PAPPA2: variants seen among roughly 807,000 people sequenced by gnomAD.
PAPPA2 encodes pappalysin 2, also known as pappalysin-2.
PAPPA2 carries 86 observed loss-of-function variants against 176.4 expected under a neutral mutation model. The observed-to-expected ratio is 0.49, with a 90% CI of 0.41 to 0.58. The LOEUF (loss-of-function observed/expected upper bound fraction) is 0.58. Ranked by LOEUF, PAPPA2 falls within the 20% of genes least tolerant of loss-of-function variation. PAPPA2 has a pLI of 0.00. For missense variants in PAPPA2, 2,073 were observed against 2,256.9 expected (o/e 0.92, Z 1.65); for synonymous variants, 809 against 852.2 (o/e 0.95, Z 0.88).
chr1:176,708,875 A>G (rs924962802), intron 10 of PAPPA2, among the ~76,000 whole-genome samples: 3 of 152,182 alleles, frequency 2.0e-5, no homozygotes, highest in Non-Finnish European at 2.9e-5. Context: ...CTCTTATTGA[A>G]TATATACCTA....
intron 12 of PAPPA2, among the ~76,000 whole-genome samples, chr1:176,737,914 A>G (rs1176004869): frequency 6.6e-6 from 1 of 152,074 alleles, no homozygotes; most frequent in African/African-American, 2.4e-5. Context: ...TCCTTGTTGA[A>G]GCCACCCTAC....
At chr1:176,589,130 CT>C (rs936023967) in intron 2 of PAPPA2, among the ~76,000 whole-genome samples, 14 of 150,242 alleles carry the variant, frequency 9.3e-5, no homozygotes, top group South Asian at 2.1e-4. Flanking sequence ...ACATTCAAAA[CT>C]TTTTTTTTTC....
chr1:176,690,973 A>C (rs1340419655), intron 5 of PAPPA2: 1 of 984,640 alleles, frequency 1.0e-6, no homozygotes, highest in Admixed American at 6.2e-5. Flanking sequence ...ACAAATTCTT[A>C]GCTGCCTACC....
intron 3 of PAPPA2, among the ~76,000 whole-genome samples, chr1:176,618,534 T>C (rs889372975): frequency 6.6e-6 from 1 of 152,248 alleles, no homozygotes; most frequent in Non-Finnish European, 1.5e-5. Flanking sequence ...TATTTCTCTG[T>C]AGTGTTGTGA....
At chr1:176,498,472 G>A (rs183421281) in intron 1 of PAPPA2, among the ~76,000 whole-genome samples, 73 of 152,202 alleles carry the variant, frequency 4.8e-4, no homozygotes, top group African/African-American at 1.7e-3. Flanking sequence ...GAAGCTGGCC[G>A]GGCACGGTGG....
At chr1:176,766,979 A>G (rs1299903208) in intron 15 of PAPPA2, among the ~76,000 whole-genome samples, 1 of 151,464 alleles carries the variant, frequency 6.6e-6, no homozygotes, top group African/African-American at 2.4e-5. Flanking sequence ...TTGCTTAGAG[A>G]TGTCAGTATT....
At chr1:176,527,418 G>A (rs995979180) in intron 1 of PAPPA2, among the ~76,000 whole-genome samples, 1 of 152,146 alleles carries the variant, frequency 6.6e-6, no homozygotes, top group Non-Finnish European at 1.5e-5. Flanking sequence ...TTTTTGAGAT[G>A]TTTCTTCCTA....
At chr1:176,769,075 TTACC>T (rs2102910515) in intron 15 of PAPPA2, among the ~76,000 whole-genome samples, 1 of 152,266 alleles carries the variant, frequency 6.6e-6, no homozygotes, top group East Asian at 1.9e-4. Flanking sequence ...CCTGAAAGGT[TTACC>T]TTAGGAGTGC....
chr1:176,743,147 T>C (rs531298183), intron 14 of PAPPA2, among the ~76,000 whole-genome samples: 2 of 152,306 alleles, frequency 1.3e-5, no homozygotes, highest in Admixed American at 1.3e-4. Context: ...CCAGAATCTG[T>C]GAGGATTTCC....
intron 2 of PAPPA2, 68 bp downstream of exon 2, chr1:176,557,309 A>G: frequency 1.4e-6 from 2 of 1,476,188 alleles, no homozygotes; most frequent in Admixed American, 2.3e-5. Context: ...GACGGGTTAG[A>G]CATAGGGAGC....
At chr1:176,534,656 G>A (rs908979880) in intron 1 of PAPPA2, among the ~76,000 whole-genome samples, 1 of 152,220 alleles carries the variant, frequency 6.6e-6, no homozygotes, top group Non-Finnish European at 1.5e-5. Flanking sequence ...TCTGAATGGA[G>A]TATATGAGAG....
At chr1:176,579,440 G>T (rs1425483116) in intron 2 of PAPPA2, among the ~76,000 whole-genome samples, 2 of 152,066 alleles carry the variant, frequency 1.3e-5, no homozygotes, top group African/African-American at 4.8e-5. Flanking sequence ...CAAATGTTCG[G>T]CAAGGCAGCC....
intron 3 of PAPPA2, among the ~76,000 whole-genome samples, chr1:176,651,756 G>T (rs1657738931): frequency 2.0e-5 from 3 of 151,192 alleles, no homozygotes; most frequent in Admixed American, 6.6e-5. Context: ...ACTTGTTTTT[G>T]AACACCAATA....
At chr1:176,807,251 C>G (rs2102957386) in intron 21 of PAPPA2, among the ~76,000 whole-genome samples, 1 of 152,218 alleles carries the variant, frequency 6.6e-6, no homozygotes, top group South Asian at 2.1e-4. Context: ...AGAACAGTGA[C>G]AGGCAATACA....
chr1:176,595,816 T>C (rs1366320080), intron 3 of PAPPA2, among the ~76,000 whole-genome samples: 1 of 152,116 alleles, frequency 6.6e-6, no homozygotes, highest in Non-Finnish European at 1.5e-5. Flanking sequence ...AACTCACTGT[T>C]TGTGGGGCAG....
At chr1:176,839,076 G>A (rs936442639) in intron 21 of PAPPA2, among the ~76,000 whole-genome samples, 2 of 152,156 alleles carry the variant, frequency 1.3e-5, no homozygotes, top group African/African-American at 4.8e-5. Context: ...CGGGGGAAGA[G>A]AAAGTGATTT....
At chr1:176,727,705 A>G (rs559712912) in intron 12 of PAPPA2, among the ~76,000 whole-genome samples, 2 of 152,040 alleles carry the variant, frequency 1.3e-5, no homozygotes, top group Non-Finnish European at 2.9e-5. Context: ...ATCATTATCA[A>G]ATATCATGAC....
At chr1:176,777,255 A>T (rs1028296500) in intron 17 of PAPPA2, among the ~76,000 whole-genome samples, 2 of 152,168 alleles carry the variant, frequency 1.3e-5, no homozygotes, top group Non-Finnish European at 2.9e-5. Context: ...ATATATTAAA[A>T]CACAAATGCT....
chr1:176,700,065 T>C (rs2102819525), intron 8 of PAPPA2, among the ~76,000 whole-genome samples: 1 of 152,334 alleles, frequency 6.6e-6, no homozygotes, highest in Non-Finnish European at 1.5e-5. Flanking sequence ...ATGAGTTTCA[T>C]TCTTTCCCCT....
Sources: gnomAD v4.1 joint callset for allele counts (sites outside exome capture counted in the v4.1 genomes callset) on GRCh38, gnomAD v4.1.1 for gene constraint, MANE v1.5 for transcripts, NCBI Gene and HGNC (gene_info 2026-07-23, HGNC 2026-07-21) for gene names.